Variants in PINX1 observed in about 807,000 individuals in gnomAD.
PINX1 encodes PIN2/TERF1-interacting telomerase inhibitor 1.
In PINX1, 34 loss-of-function variants were observed where a neutral mutation model predicts 25.4. That is an observed-to-expected ratio of 1.34 (90% CI 1.02 to 1.78). The LOEUF (loss-of-function observed/expected upper bound fraction) is 1.78. Among genes scored for constraint, PINX1 ranks in the 40% most tolerant of loss-of-function variants. The pLI is 0.00. For missense variants in PINX1, 592 were observed against 404.9 expected (o/e 1.46, Z -3.97); for synonymous variants, 197 against 147.7 (o/e 1.33, Z -2.42).
At chr8:10,814,207 G>A (rs996093541) in intron 6 of PINX1, among the ~76,000 whole-genome samples, 1 of 152,162 alleles carries the variant, frequency 6.6e-6, no homozygotes, top group African/African-American at 2.4e-5. Context: ...AAAGATGGTG[G>A]GAAAAGGAAG....
At chr8:10,829,285 C>CAAAAAA (rs57684473) in intron 4 of PINX1, among the ~76,000 whole-genome samples, 52 of 90,330 alleles carry the variant, frequency 5.8e-4, no homozygotes, top group African/African-American at 1.2e-3. Flanking sequence ...GACTCCATCT[C>CAAAAAA]AAAAAAAAAA....
At chr8:10,833,113 T>C (rs1387382584) in intron 2 of PINX1, 129 bp from the exon 3 acceptor site, 3 of 577,900 alleles carry the variant, frequency 5.2e-6, no homozygotes, top group Non-Finnish European at 9.2e-6. Flanking sequence ...TTAAATACTT[T>C]CACAAAGCAA....
intron 4 of PINX1, among the ~76,000 whole-genome samples, chr8:10,830,313 A>G (rs985728993): frequency 2.0e-5 from 3 of 152,106 alleles, no homozygotes; most frequent in Non-Finnish European, 4.4e-5. Context: ...TTCCCTTCAC[A>G]CTGTTGGGCT....
intron 6 of PINX1, among the ~76,000 whole-genome samples, chr8:10,804,854 C>A (rs1251293202): frequency 6.6e-6 from 1 of 152,080 alleles, no homozygotes; most frequent in African/African-American, 2.4e-5. Context: ...TTGTCCCCCA[C>A]AACCCTGGGT....
intron 6 of PINX1, among the ~76,000 whole-genome samples, chr8:10,781,132 A>G (rs1801572771): frequency 1.3e-5 from 2 of 152,164 alleles, no homozygotes; most frequent in Admixed American, 1.3e-4. Flanking sequence ...ATGGTGCTGG[A>G]AAAACTGGGT....
intron 6 of PINX1, among the ~76,000 whole-genome samples, chr8:10,798,658 T>A (rs1802165767): frequency 6.6e-6 from 1 of 152,202 alleles, no homozygotes; most frequent in African/African-American, 2.4e-5. Context: ...ACTCTTTCCA[T>A]CTCCTCCTCA....
At chr8:10,817,374 G>A (rs996665725) in intron 6 of PINX1, among the ~76,000 whole-genome samples, 1 of 152,180 alleles carries the variant, frequency 6.6e-6, no homozygotes, top group African/African-American at 2.4e-5. Flanking sequence ...AAACAAATCT[G>A]ATCAAAGTCC....
At chr8:10,835,749 C>T (rs1335332826) in intron 1 of PINX1, among the ~76,000 whole-genome samples, 12 of 148,410 alleles carry the variant, frequency 8.1e-5, no homozygotes, top group African/African-American at 2.3e-4. Context: ...ATGGAATAAA[C>T]GATAAAAATG....
intron 6 of PINX1, among the ~76,000 whole-genome samples, chr8:10,811,999 T>C (rs1049696200): frequency 2.0e-5 from 3 of 152,160 alleles, no homozygotes; most frequent in Non-Finnish European, 2.9e-5. Flanking sequence ...CAGAATCTGC[T>C]ACACAAACAA....
At position 10,790,957 on chromosome 8, in the gene PINX1, G is replaced by A. The variant is rs180771836; in HGVS notation, c.472-25041C>T. ...AGACAGAGTATCCCACCGTTGCCTC[G>A]GCTGGAGTACAAAGGCGCAATCTTG... On this transcript the variant is annotated intron_variant, in intron 6 of 6. Transcript: ENST00000314787. 2.7e-3 allele frequency among the ~76,000 whole-genome samples: 416 copies of A among 151,986 alleles called. 2 individuals are homozygous for A. The highest frequency in any genetic ancestry group is 8.9e-3 in the African/African-American group (368 of 41,440).
At chr8:10,827,868 G>C (rs1047017313) in intron 4 of PINX1, among the ~76,000 whole-genome samples, 1 of 137,762 alleles carries the variant, frequency 7.3e-6, no homozygotes, top group Non-Finnish European at 1.5e-5. Context: ...CCGAAATCAC[G>C]CCACTGCACT....
intron 4 of PINX1, among the ~76,000 whole-genome samples, chr8:10,827,722 T>C (rs970087452): frequency 6.6e-6 from 1 of 150,508 alleles, no homozygotes; most frequent in Non-Finnish European, 1.5e-5. Flanking sequence ...CTGGCTAACA[T>C]GGTGAAACCC....
chr8:10,772,853 C>G (rs1416079816), intron 6 of PINX1, among the ~76,000 whole-genome samples: 1 of 152,018 alleles, frequency 6.6e-6, no homozygotes, highest in African/African-American at 2.4e-5. Flanking sequence ...TAGAAGCCCA[C>G]TCTGCAGGGG....
intron 6 of PINX1, among the ~76,000 whole-genome samples, chr8:10,814,793 T>A (rs574449873): frequency 6.6e-6 from 1 of 152,338 alleles, no homozygotes; most frequent in South Asian, 2.1e-4. Context: ...TTCAACTGAC[T>A]GAATCCCTAC....
intron 6 of PINX1, among the ~76,000 whole-genome samples, chr8:10,775,694 T>C (rs1009199653): frequency 3.3e-5 from 5 of 152,148 alleles, no homozygotes; most frequent in African/African-American, 1.2e-4. Context: ...CAATTTAAGA[T>C]AGTATAAGTG....
At chr8:10,777,601 A>C (rs1801433623) in intron 6 of PINX1, among the ~76,000 whole-genome samples, 1 of 152,158 alleles carries the variant, frequency 6.6e-6, no homozygotes, top group Non-Finnish European at 1.5e-5. Flanking sequence ...CAGGGTGTAG[A>C]ATGAGAAAAG....
chr8:10,839,240 G>C (rs899536822), intron 1 of PINX1, among the ~76,000 whole-genome samples: 6 of 152,168 alleles, frequency 3.9e-5, no homozygotes, highest in Admixed American at 3.9e-4. Context: ...CATTAGCCCT[G>C]CACTCCCTCG....
intron 6 of PINX1, among the ~76,000 whole-genome samples, chr8:10,799,665 CT>C (rs1236916766): frequency 6.6e-6 from 1 of 152,198 alleles, no homozygotes; most frequent in Non-Finnish European, 1.5e-5. Context: ...CTTACTGTCC[CT>C]CTCTAAACTG....
intron 2 of PINX1, among the ~76,000 whole-genome samples, chr8:10,833,234 C>G (rs529881430): frequency 1.1e-4 from 16 of 152,290 alleles, no homozygotes; most frequent in African/African-American, 3.9e-4. Flanking sequence ...ACTCAGTGTA[C>G]TGGGAAACCT....
Sources: allele counts gnomAD v4.1 joint callset (sites outside exome capture counted in the v4.1 genomes callset), GRCh38; gene constraint gnomAD v4.1.1; transcripts MANE v1.5; gene names NCBI Gene and HGNC (gene_info 2026-07-23, HGNC 2026-07-21).